The following ACACB variants were observed in gnomAD, a reference collection of about 807,000 sequenced individuals.
ACACB encodes the protein acetyl-CoA carboxylase 2.
In ACACB, 209 loss-of-function variants were observed where a neutral mutation model predicts 278.8. The ratio of observed to expected loss-of-function variants is 0.75; its 90% CI spans 0.67 to 0.84. The LOEUF (loss-of-function observed/expected upper bound fraction) is 0.84, where lower values mean the gene tolerates loss of function less well. Ranked by LOEUF, ACACB falls within the 40% of genes least tolerant of loss-of-function variation. The pLI is 0.00. For synonymous variants in ACACB, 1,174 were observed against 1,285.6 expected (o/e 0.91, Z 1.86); for missense variants, 2,850 against 3,269.0 (o/e 0.87, Z 3.13).
chr12:109,258,911 G>A (rs181427849), intron 46 of ACACB, 62 bp from the exon 47 acceptor site: 39 of 1,589,312 alleles, frequency 2.5e-5, no homozygotes, highest in East Asian at 4.5e-5. Context: ...TCTGGCAGCC[G>A]TCCCTCTGTC....
chr12:109,165,750 T>C (rs1176673253), intron 2 of ACACB, among the ~76,000 whole-genome samples: 1 of 152,150 alleles, frequency 6.6e-6, no homozygotes, highest in Admixed American at 6.5e-5. Flanking sequence ...ATTGACCAGC[T>C]GGTGGAGGGG....
intron 19 of ACACB, among the ~76,000 whole-genome samples, chr12:109,203,686 G>C (rs1349385491): frequency 6.6e-6 from 1 of 152,186 alleles, no homozygotes; most frequent in East Asian, 1.9e-4. Flanking sequence ...GGACCACCAG[G>C]GGGTGCACCA....
At chr12:109,184,429 C>G (rs1162606525) in intron 11 of ACACB, among the ~76,000 whole-genome samples, 1 of 152,140 alleles carries the variant, frequency 6.6e-6, no homozygotes, top group African/African-American at 2.4e-5. Context: ...TTCTAAAGGC[C>G]TCCTACAACA....
At chr12:109,199,076 G>A (rs568123243) in intron 17 of ACACB, among the ~76,000 whole-genome samples, 1 of 152,156 alleles carries the variant, frequency 6.6e-6, no homozygotes, top group Admixed American at 6.5e-5. Flanking sequence ...TGTAGTCCCA[G>A]CTATGCGGGA....
chr12:109,241,313 T>A, intron 36 of ACACB, 32 bp downstream of exon 36: 1 of 1,601,834 alleles, frequency 6.2e-7, no homozygotes, highest in Admixed American at 1.7e-5. Flanking sequence ...GGGGTCTAAG[T>A]CAAAGCAGAA....
rs2045326462 is a variant in ACACB at position 109,201,434 on chromosome 12, C to T, written c.2779-133C>T. The T allele has an allele frequency of 7.4e-6, 8 of 1,078,198 alleles. No individual in the cohort carries two copies. In the Admixed American group the frequency reaches 1.6e-4, roughly 21 times the overall value. The allele number at this position is 1,078,198 out of a possible 1,614,324, so 66.8% of individuals were successfully genotyped here. A position where few individuals can be genotyped will look rare whatever the true frequency, so the allele number is the denominator to read the frequency against. ...TTTCCTTGTACCTTCTGCCTGAACA[C>T]TACCCAGGGAGTCATTCTGGCGCGT... On this transcript the variant is annotated intron_variant, in intron 18 of 52. Transcript: ENST00000338432.
chr12:109,265,134 C>T lies in ACACB; in HGVS notation c.6967C>T (p.Arg2323Cys), dbSNP rs779886492. Residue 2323 changes from arginine (R) to cysteine (C), a missense_variant, in exon 51 of 53, where the codon CGC becomes TGC. By Grantham distance (180) the Arg-to-Cys change is radical (BLOSUM62 -3). Transcript: ENST00000338432. ...GGACATCCTGGAGTGGAAGACCGCA[C>T]GCACCTTCCTGTATTGGCGTCTGCG... ...ISDILEWKTA[R>C]TFLYWRLRRL... The T allele has an allele frequency of 1.7e-5, 27 of 1,612,084 alleles. No individual in the cohort carries two copies. The highest frequency in any genetic ancestry group is 2.2e-5 in the East Asian group (1 of 44,880).
rs763977187 is a variant in ACACB at position 109,179,110 on chromosome 12, C to T, written c.1460C>T (p.Ser487Leu). 4.5e-5 allele frequency: 73 copies of T among 1,613,278 alleles called. No homozygotes were observed. The highest frequency in any genetic ancestry group is 5.7e-5 in the Non-Finnish European group (67 of 1,179,694). ...CAGGTACAGAGTGAGATCCCAGGCT[C>T]GCCCATCTTTCTCATGAAGCTGGCC... ...FRQVQSEIPG[S>L]PIFLMKLAQH... Residue 487 changes from serine to leucine, a missense_variant, in exon 10 of 53, where the codon TCG becomes TTG. Coordinates refer to ENST00000338432, the MANE Select transcript of ACACB (RefSeq NM_001093.4).
Position 109,191,737 on chromosome 12 carries a change from G to T in ACACB, c.2269G>T (p.Asp757Tyr), listed in dbSNP as rs1444752611. The change falls in exon 14 of 53, where the codon GAC becomes TAC. Residue 757 changes from aspartate to tyrosine, a missense_variant. Asp to Tyr is a radical substitution (Grantham distance 160). Around this residue, in one of 3 missense-constraint regions of ACACB, gnomAD observed 2,265 missense variants for 2,561.3 expected, o/e 0.88. Coordinates refer to ENST00000338432, the MANE Select transcript of ACACB (RefSeq NM_001093.4). ...QNNDIDTGWL[D>Y]YLIAEKVQAE... ...CAACGACATCGACACCGGGTGGTTG[G>T]ACTACCTCATTGCTGAGAAAGTGCA... The T allele has an allele frequency of 6.2e-7, 1 of 1,614,188 alleles. No individual in the cohort carries two copies. The highest frequency in any genetic ancestry group is 8.5e-7 in the Non-Finnish European group (1 of 1,180,042).
intron 44 of ACACB, among the ~76,000 whole-genome samples, chr12:109,254,781 CTT>C (rs111235224): frequency 4.1e-5 from 6 of 145,230 alleles, no homozygotes; most frequent in Non-Finnish European, 7.6e-5. Context: ...GTCTCCTCTT[CTT>C]TTTTTTTTTT....
At chr12:109,261,763 C>CG (rs1463641686) in intron 48 of ACACB, among the ~76,000 whole-genome samples, 3 of 149,238 alleles carry the variant, frequency 2.0e-5, no homozygotes, top group Non-Finnish European at 4.4e-5. Context: ...CCAAGCTGCT[C>CG]GGGGGGCTGA....
At chr12:109,140,528 G>A (rs1190642719) in intron 2 of ACACB, among the ~76,000 whole-genome samples, 1 of 152,144 alleles carries the variant, frequency 6.6e-6, no homozygotes, top group Non-Finnish European at 1.5e-5. Context: ...ATGCAGGCGT[G>A]TGCCTGTAAT....
chr12:109,204,292 G>A (rs1382947882), intron 19 of ACACB, among the ~76,000 whole-genome samples: 2 of 40,844 alleles, frequency 4.9e-5, no homozygotes, highest in African/African-American at 1.7e-4. Context: ...TTTTTTTTTT[G>A]AGATGGAGTT....
intron 1 of ACACB, among the ~76,000 whole-genome samples, chr12:109,126,729 T>G (rs1015785969): frequency 6.6e-6 from 1 of 151,800 alleles, no homozygotes; most frequent in African/African-American, 2.4e-5. Flanking sequence ...AAAAAAGAAG[T>G]TTGGTTTGTC....
Position 109,239,010 on chromosome 12 carries a change from G to A in ACACB, c.4663-820G>A, listed in dbSNP as rs572245913. On this transcript the variant is annotated intron_variant, in intron 34 of 52. Coordinates refer to ENST00000338432, the MANE Select transcript of ACACB (RefSeq NM_001093.4). The stretch of plus-strand genomic sequence containing the variant: ...TGGCTCACTACCACCTCTGCCTCCC[G>A]GGTTCAAGCGATTCTCCTGCGTCAG... Among the ~76,000 whole-genome samples, 24 of 152,170 alleles carry A rather than the reference G, an allele frequency of 1.6e-4. No individual in the cohort carries two copies. The East Asian group carries it at 3.7e-3, about 23-fold the overall frequency.
Position 109,264,344 on chromosome 12 carries a change from C to T in ACACB, c.6900C>T (p.Phe2300=). The change falls in exon 50 of 53, where the codon TTC becomes TTT. Residue 2300 remains phenylalanine (F), a synonymous_variant. Coordinates refer to ENST00000338432, the MANE Select transcript of ACACB (RefSeq NM_001093.4). ...AGGTGGCGGTGCAGTTCGCCGACTT[C>T]CATGACACACCCGGCCGGATGCTGG... ...YHQVAVQFAD[F]HDTPGRMLEK... 1 of 1,614,130 alleles carries T rather than the reference C, an allele frequency of 6.2e-7. No homozygotes were observed. Among genetic ancestry groups the T allele is most frequent in the Non-Finnish European group, 8.5e-7 (1 of 1,180,026 alleles).
rs181142185 is a variant in ACACB, at chr12:109,252,231, G to T, written c.5901+75G>T. 61 of 1,039,852 alleles carry T rather than the reference G, an allele frequency of 5.9e-5. 1 individual carries two copies. The highest frequency in any genetic ancestry group is 4.3e-4 in the Middle Eastern group (2 of 4,640). The allele number at this position is 1,039,852 out of a possible 1,614,324, so 64.4% of individuals were successfully genotyped here. On this transcript the variant is annotated intron_variant, in intron 42 of 52. Transcript: ENST00000338432. ...ATTTTAACATTCCCATTGGTCTCTGGTGGGGGATTTTTCTCAATATGAAGC... is the reference window on the plus strand; with the variant it reads ...ATTTTAACATTCCCATTGGTCTCTGTTGGGGGATTTTTCTCAATATGAAGC...
chr12:109,235,328 G>A lies in ACACB; in HGVS notation c.4363G>A (p.Asp1455Asn). ...TTTAATGCAGAAAAATATCCTTGTG[G>A]ATTATGGACTCCGACGAATCACATT... is the stretch of plus-strand genomic sequence containing the variant. ...FVQSKKNILVDYGLRRITFLI... is the reference protein window; with the variant it reads ...FVQSKKNILVNYGLRRITFLI... The change falls in exon 32 of 53, where the codon GAT (aspartate) becomes AAT (asparagine). Residue 1455 changes from aspartate (D) to asparagine (N), a missense_variant. Asp to Asn is a conservative substitution (Grantham distance 23, BLOSUM62 1). Around this residue, in one of 3 missense-constraint regions of ACACB, gnomAD observed 2,265 missense variants for 2,561.3 expected, o/e 0.88. Transcript: ENST00000338432. 3 of 1,614,100 alleles carry A rather than the reference G, an allele frequency of 1.9e-6. No individual in the cohort carries two copies. The highest frequency in any genetic ancestry group is 2.5e-6 in the Non-Finnish European group (3 of 1,179,974).
intron 1 of ACACB, 138 bp from the exon 2 acceptor site, chr12:109,139,259 G>A (rs929610160): frequency 1.7e-5 from 13 of 773,592 alleles, no homozygotes; most frequent in Admixed American, 5.7e-5. Context: ...AGAGCAGGGA[G>A]GAGAACCCCA....
Sources: allele counts gnomAD v4.1 joint callset (sites outside exome capture counted in the v4.1 genomes callset), GRCh38; gene constraint gnomAD v4.1.1; regional missense constraint gnomAD v4.1.1; transcripts MANE v1.5; gene names NCBI Gene and HGNC (gene_info 2026-07-23, HGNC 2026-07-21).